Variants in POLD3 observed in about 807,000 individuals in gnomAD.
The protein encoded by POLD3 is DNA polymerase delta 3, accessory subunit, also known as DNA polymerase delta subunit 3.
In POLD3, 19 loss-of-function variants were observed where a neutral mutation model predicts 58.2. That is an observed-to-expected ratio of 0.33 (90% confidence interval 0.23 to 0.48). The LOEUF is 0.48. Ranked by LOEUF, POLD3 falls within the 20% of genes least tolerant of loss-of-function variation. POLD3 has a pLI of 0.99. For missense variants in POLD3, 504 were observed against 545.5 expected (o/e 0.92, Z 0.76); for synonymous variants, 172 against 193.5 (o/e 0.89, Z 0.92).
intron 5 of POLD3, among the ~76,000 whole-genome samples, chr11:74,614,592 C>G (rs1208056873): frequency 1.3e-5 from 2 of 152,098 alleles, no homozygotes; most frequent in East Asian, 3.9e-4. Context: ...CACCTATAGT[C>G]CCAGCTGCTC....
chr11:74,657,519 A>G (rs1327959279), intron 4 of POLD3, among the ~76,000 whole-genome samples: 1 of 49,030 alleles, frequency 2.0e-5, no homozygotes, highest in Non-Finnish European at 4.5e-5. Flanking sequence ...CACTGATTGC[A>G]TAAACAAACA....
At chr11:74,598,502 AT>A (rs2031358728) in intron 2 of POLD3, among the ~76,000 whole-genome samples, 1 of 152,110 alleles carries the variant, frequency 6.6e-6, no homozygotes, top group Admixed American at 6.6e-5. Flanking sequence ...ATGCGCATAG[AT>A]TCTTTTGCTT....
intron 3 of POLD3, among the ~76,000 whole-genome samples, chr11:74,609,570 A>G (rs1419785657): frequency 6.6e-6 from 1 of 150,808 alleles, no homozygotes; most frequent in Non-Finnish European, 1.5e-5. Context: ...TTTAGTAGAG[A>G]CGGGGCTTTG....
Position 74,641,102 on chromosome 11 carries a change from T to C in POLD3, c.*336T>C, listed in dbSNP as rs956082890. 9.9e-7 allele frequency: 1 copy of C among 1,014,990 alleles called. No homozygotes were observed. Among genetic ancestry groups the C allele is most frequent in the Non-Finnish European group, 1.2e-6 (1 of 849,806 alleles). 62.9% of individuals were successfully genotyped at this position (1,014,990 alleles called of 1,614,324 possible). A position where few individuals can be genotyped will look rare whatever the true frequency, so the allele number is the denominator to read the frequency against. ...CTAACCCACTGTGCTCCACTCACCC[T>C]ATGCCCTGGTCCGCATATGGCACAG... On this transcript the variant is annotated 3_prime_UTR_variant, in exon 12 of 12. Transcript: ENST00000263681.
rs1048066802 is a variant in POLD3 at position 74,668,705 on chromosome 11, G to T, written c.370-72G>T. 2.8e-6 allele frequency: 3 copies of T among 1,086,414 alleles called. No individual in the cohort carries two copies. The African/African-American group carries it at 4.9e-5, about 18-fold the overall frequency. The allele number at this position is 1,086,414 out of a possible 1,614,324, so 67.3% of individuals were successfully genotyped here. On this transcript the variant is annotated intron_variant, in intron 4 of 4. Transcript: ENST00000524752. ...GCCCGGAGTAGCTAGGAGGGAGAAT[G>T]GGGTTAGGGGGTATAATGGGAGAAA...
chr11:74,632,322 G>A (rs1263048226), intron 9 of POLD3, among the ~76,000 whole-genome samples: 1 of 152,114 alleles, frequency 6.6e-6, no homozygotes, highest in African/African-American at 2.4e-5. Context: ...TTGCTTTCCT[G>A]GAATAAGTGA....
chr11:74,620,152 C>T, intron 7 of POLD3, 63 bp downstream of exon 7: 1 of 1,261,486 alleles, frequency 7.9e-7, no homozygotes, highest in Non-Finnish European at 1.2e-6. Flanking sequence ...CATATTATAC[C>T]TGAAGTGAAA....
Position 74,592,636 on chromosome 11 carries a change from G to T in POLD3, c.-23G>T, listed in dbSNP as rs1315031702. 1.3e-6 allele frequency: 2 copies of T among 1,597,962 alleles called. No homozygotes were observed. Among genetic ancestry groups the T allele is most frequent in the South Asian group, 2.2e-5 (2 of 90,112 alleles). ...GCTGTGATTGAGAGAGGGGTTAGAG[G>T]CGGGTCCCAGCGCTGCCGCACCATG... On this transcript the variant is annotated 5_prime_UTR_variant, in exon 1 of 12. Transcript: ENST00000263681.
At position 74,603,804 on chromosome 11, in the gene POLD3, T is replaced by C. The variant is rs558273052; in HGVS notation, c.117-888T>C. ...CTCTGGGGATTTTTAAATTTCTAGC[T>C]ATGCTTGGCAGAAGTATATTATAGA... On this transcript the variant is annotated intron_variant, in intron 2 of 11. Transcript: ENST00000263681. Among the ~76,000 whole-genome samples, 5 of 152,318 alleles carry C rather than the reference T, an allele frequency of 3.3e-5. No homozygotes were observed. In the East Asian group the frequency reaches 7.7e-4, roughly 23 times the overall value.
At chr11:74,616,537 A>G (rs1327796831) in intron 5 of POLD3, among the ~76,000 whole-genome samples, 2 of 152,256 alleles carry the variant, frequency 1.3e-5, no homozygotes, top group Non-Finnish European at 2.9e-5. Flanking sequence ...AGACGTTGAC[A>G]GTGAAATAAA....
chr11:74,600,441 G>A (rs1195196043), intron 2 of POLD3, among the ~76,000 whole-genome samples: 15 of 151,342 alleles, frequency 9.9e-5, no homozygotes, highest in Admixed American at 8.5e-4. Flanking sequence ...GATTACAGGC[G>A]TGAGCCACCA....
chr11:74,625,044 C>T (rs545925029), intron 7 of POLD3, among the ~76,000 whole-genome samples: 2 of 152,296 alleles, frequency 1.3e-5, no homozygotes, highest in East Asian at 1.9e-4. Flanking sequence ...TGCTGCAAAT[C>T]GTTGTCACCA....
intron 3 of POLD3, among the ~76,000 whole-genome samples, chr11:74,609,388 T>A (rs1213926027): frequency 0.032 from 940 of 29,488 alleles, 13 homozygotes; most frequent in Middle Eastern, 0.067. Flanking sequence ...TTTTTTTTTT[T>A]TTTTTTTTTT....
chr11:74,635,878 T>C (rs2032734331), intron 10 of POLD3, among the ~76,000 whole-genome samples: 1 of 152,192 alleles, frequency 6.6e-6, no homozygotes, highest in African/African-American at 2.4e-5. Context: ...TCCACTAAGG[T>C]CCTTATCCTA....
At chr11:74,625,355 G>A in intron 7 of POLD3, 53 bp from the exon 8 acceptor site, 2 of 1,397,956 alleles carry the variant, frequency 1.4e-6, no homozygotes, top group Non-Finnish European at 9.9e-7. Flanking sequence ...AAAGAATGAT[G>A]TATTAATATT....
intron 4 of POLD3, among the ~76,000 whole-genome samples, chr11:74,652,031 G>T (rs1026107377): frequency 5.9e-5 from 9 of 152,110 alleles, no homozygotes; most frequent in African/African-American, 2.2e-4. Flanking sequence ...AGACCACTAG[G>T]CAAGTCAGTG....
At chr11:74,603,411 C>A (rs992321291) in intron 2 of POLD3, among the ~76,000 whole-genome samples, 1 of 152,070 alleles carries the variant, frequency 6.6e-6, no homozygotes, top group Non-Finnish European at 1.5e-5. Flanking sequence ...TTCTGGCTTG[C>A]GTGGTTTCAG....
At chr11:74,634,841 T>C in intron 10 of POLD3, 146 bp downstream of exon 10, 1 of 598,188 alleles carries the variant, frequency 1.7e-6, no homozygotes, top group Admixed American at 2.4e-5. Context: ...CTACAGGTTG[T>C]ACAGAATGGG....
Position 74,612,960 on chromosome 11 carries a change from G to A in POLD3, c.342G>A (p.Leu114=), listed in dbSNP as rs1246074534. The change falls in exon 5 of 12, where the codon CTG becomes CTA. Residue 114 remains leucine (L), a synonymous_variant. Transcript: ENST00000263681. ...CCATGCTAAAGGACAGTGGGCCTCT[G>A]TTCAATACTGACTATGACATCCTTA... is the stretch of plus-strand genomic sequence containing the variant. ...QKAMLKDSGP[L]FNTDYDILKS... is the part of the protein sequence containing the mutation. The A allele has an allele frequency of 6.2e-7, 1 of 1,613,878 alleles. No individual in the cohort carries two copies. The highest frequency in any genetic ancestry group is 1.7e-5 in the Admixed American group (1 of 60,004).
Sources: gnomAD v4.1 joint callset for allele counts (sites outside exome capture counted in the v4.1 genomes callset) on GRCh38, gnomAD v4.1.1 for gene constraint, MANE v1.5 for transcripts, NCBI Gene and HGNC (gene_info 2026-07-23, HGNC 2026-07-21) for gene names.